RYR3: variants seen among roughly 807,000 people sequenced by gnomAD.
RYR3 encodes the protein ryanodine receptor 3.
In RYR3, 207 loss-of-function variants were observed where a neutral mutation model predicts 584.3. That is an observed-to-expected ratio of 0.35 (90% CI 0.32 to 0.40). The LOEUF (loss-of-function observed/expected upper bound fraction) is 0.40. Ranked by LOEUF, RYR3 falls within the 10% of genes least tolerant of loss-of-function variation. The pLI is 1.00. For missense variants in RYR3, 5,616 were observed against 6,089.2 expected (o/e 0.92, Z 2.59); for synonymous variants, 2,416 against 2,248.5 (o/e 1.07, Z -2.11).
chr15:33,706,686 G>C (rs1161742091), intron 42 of RYR3, among the ~76,000 whole-genome samples: 1 of 151,992 alleles, frequency 6.6e-6, no homozygotes, highest in African/African-American at 2.4e-5. Context: ...ATTATTTGGG[G>C]GTATATACCC....
chr15:33,865,249 A>C lies in RYR3; in HGVS notation c.*23A>C. The C allele has an allele frequency of 6.5e-7, 1 of 1,531,316 alleles. No homozygotes were observed. The highest frequency in any genetic ancestry group is 9.0e-7 in the Non-Finnish European group (1 of 1,109,986). 94.9% of individuals were successfully genotyped at this position (1,531,316 alleles called of 1,614,324 possible). A position where few individuals can be genotyped will look rare whatever the true frequency, so the allele number is the denominator to read the frequency against. ...TAAATCTGAATCAAAGAAGCGCGAC[A>C]ATTCTGGACAGTCAACTTCCCATGA... On this transcript the variant is annotated 3_prime_UTR_variant, in exon 104 of 104. Coordinates refer to ENST00000634891, the MANE Select transcript of RYR3 (RefSeq NM_001036.6).
chr15:33,672,903 G>A (rs1385468788), intron 38 of RYR3, among the ~76,000 whole-genome samples: 1 of 152,062 alleles, frequency 6.6e-6, no homozygotes, highest in Non-Finnish European at 1.5e-5. Context: ...AGAATTAAGG[G>A]GTACTTGTTT....
intron 20 of RYR3, among the ~76,000 whole-genome samples, chr15:33,624,805 T>C (rs1250102665): frequency 1.3e-5 from 2 of 152,246 alleles, no homozygotes. Flanking sequence ...CTAGGTGTTA[T>C]AGAAAATAAA....
At chr15:33,773,252 A>G (rs1359881309) in intron 63 of RYR3, among the ~76,000 whole-genome samples, 1 of 152,246 alleles carries the variant, frequency 6.6e-6, no homozygotes, top group Non-Finnish European at 1.5e-5. Flanking sequence ...GGAAGGACCC[A>G]TTGGTCAAAT....
chr15:33,452,071 C>A (rs975236702), intron 1 of RYR3, among the ~76,000 whole-genome samples: 3 of 152,202 alleles, frequency 2.0e-5, no homozygotes, highest in African/African-American at 7.2e-5. Context: ...GATAGTGGGA[C>A]AAGACTCTGG....
chr15:33,369,441 A>C (rs1409398614), intron 1 of RYR3, among the ~76,000 whole-genome samples: 1 of 152,180 alleles, frequency 6.6e-6, no homozygotes, highest in Non-Finnish European at 1.5e-5. Context: ...GGCCGAGCTC[A>C]CATGCTGCCT....
chr15:33,318,522 C>T (rs565591679), intron 1 of RYR3, among the ~76,000 whole-genome samples: 1 of 152,316 alleles, frequency 6.6e-6, no homozygotes, highest in East Asian at 1.9e-4. Context: ...GGTGAGAGCA[C>T]ATGAGGGCAT....
intron 1 of RYR3, among the ~76,000 whole-genome samples, chr15:33,386,409 G>A (rs998226140): frequency 2.0e-5 from 3 of 152,148 alleles, no homozygotes; most frequent in Non-Finnish European, 4.4e-5. Context: ...TTACTTTCGC[G>A]TCAAAAATTT....
At chr15:33,454,276 A>T (rs2047364139) in intron 1 of RYR3, among the ~76,000 whole-genome samples, 1 of 152,230 alleles carries the variant, frequency 6.6e-6, no homozygotes, top group African/African-American at 2.4e-5. Context: ...GAGGCAGTTA[A>T]GGTGCTTGCT....
intron 1 of RYR3, among the ~76,000 whole-genome samples, chr15:33,387,816 T>C (rs1181458619): frequency 6.6e-6 from 1 of 151,996 alleles, no homozygotes; most frequent in Non-Finnish European, 1.5e-5. Flanking sequence ...TTTTTTAAAG[T>C]ACTGAAAGGG....
Position 33,670,572 on chromosome 15 carries a change from T to C in RYR3, c.5860+16T>C. ...AGATGCCCCAGTAAGTGACATTGCCTTTAAATGACAGTGTGCTCTTCTAAG... is the reference window on the plus strand; with the variant it reads ...AGATGCCCCAGTAAGTGACATTGCCCTTAAATGACAGTGTGCTCTTCTAAG... On this transcript the variant is annotated intron_variant, in intron 38 of 103. Coordinates refer to ENST00000634891, the MANE Select transcript of RYR3 (RefSeq NM_001036.6). 1 of 1,549,242 alleles carries C rather than the reference T, an allele frequency of 6.5e-7. No individual in the cohort carries two copies. The highest frequency in any genetic ancestry group is 8.7e-7 in the Non-Finnish European group (1 of 1,155,330).
chr15:33,726,466 G>C lies in RYR3; in HGVS notation c.6993G>C (p.Gly2331=). ...TGGTCCCCACAGAAGACCTGGTTGG[G>C]ATCATCAGCATCCCCTTGAAACTGC... is the stretch of plus-strand genomic sequence containing the variant. The part of the protein sequence containing the change: ...RSLVPTEDLV[G]IISIPLKLPS... Residue 2331 remains glycine, a synonymous_variant, in exon 46 of 104, where the codon GGG becomes GGC. Transcript: ENST00000634891. 1.9e-6 allele frequency: 3 copies of C among 1,606,550 alleles called. No homozygotes were observed. Among genetic ancestry groups the C allele is most frequent in the Non-Finnish European group, 1.7e-6 (2 of 1,176,452 alleles).
intron 5 of RYR3, among the ~76,000 whole-genome samples, chr15:33,535,225 C>G (rs551602772): frequency 1.3e-5 from 2 of 152,308 alleles, no homozygotes; most frequent in Non-Finnish European, 2.9e-5. Flanking sequence ...ATGGAAGGAT[C>G]CAGGTTGCCT....
chr15:33,720,640 G>A (rs1019299038), intron 43 of RYR3, among the ~76,000 whole-genome samples: 5 of 152,202 alleles, frequency 3.3e-5, no homozygotes, highest in African/African-American at 1.2e-4. Flanking sequence ...AAAGCAGGAG[G>A]ATTGCTTGAG....
intron 94 of RYR3, chr15:33,851,220 T>TA (rs1438139673): frequency 1.3e-5 from 2 of 152,220 alleles, no homozygotes; most frequent in African/African-American, 4.8e-5. Context: ...TTATACCTGA[T>TA]ACACAAGTTG....
At chr15:33,315,870 T>G (rs566453608) in intron 1 of RYR3, among the ~76,000 whole-genome samples, 1 of 152,328 alleles carries the variant, frequency 6.6e-6, no homozygotes, top group South Asian at 2.1e-4. Context: ...GAGGTGGTGA[T>G]GACTGCAAAC....
rs375410756 is a variant in RYR3, at chr15:33,547,575, C to T, written c.741-555C>T. The stretch of plus-strand genomic sequence containing the variant: ...CTAAAATAAAAATTTTATTTCAAAA[C>T]ACATTAAAAGATGATTCTTAACACG... On this transcript the variant is annotated intron_variant, in intron 8 of 103. Coordinates refer to ENST00000634891, the MANE Select transcript of RYR3 (RefSeq NM_001036.6). Among the ~76,000 whole-genome samples the T allele has an allele frequency of 4.1e-4, 63 of 152,098 alleles. 1 individual carries two copies. In the South Asian group the frequency reaches 0.013, roughly 32 times the overall value.
chr15:33,550,130 T>C (rs2056567414), intron 9 of RYR3, 30 bp from the exon 10 acceptor site: 2 of 1,604,796 alleles, frequency 1.2e-6, no homozygotes. Context: ...TTTGTATAAA[T>C]GCAATTTCTT....
chr15:33,637,609 G>A (rs1380147961), intron 27 of RYR3, among the ~76,000 whole-genome samples: 3 of 152,212 alleles, frequency 2.0e-5, no homozygotes, highest in Non-Finnish European at 2.9e-5. Context: ...TTTACAGAAA[G>A]AAACATTTCC....
Sources: gnomAD v4.1 joint callset for allele counts (sites outside exome capture counted in the v4.1 genomes callset) on GRCh38, gnomAD v4.1.1 for gene constraint, MANE v1.5 for transcripts, NCBI Gene and HGNC (gene_info 2026-07-23, HGNC 2026-07-21) for gene names.